Variants in PLPPR4 observed in about 807,000 individuals in gnomAD.
The protein encoded by PLPPR4 is phospholipid phosphatase-related protein type 4.
In PLPPR4, 24 loss-of-function variants were observed where a neutral mutation model predicts 56.6. The ratio of observed to expected loss-of-function variants is 0.42; its 90% CI spans 0.31 to 0.60. The LOEUF (loss-of-function observed/expected upper bound fraction) is 0.60. PLPPR4 is among the 20% of genes least tolerant of loss of function. The pLI is 0.13. For missense variants in PLPPR4, 654 were observed against 885.8 expected (o/e 0.74, Z 3.32); for synonymous variants, 326 against 328.1 (o/e 0.99, Z 0.07).
rs1362127271 is a variant in PLPPR4, at chr1:99,306,210, G to A, written c.1348G>A (p.Gly450Ser). 1 of 1,614,124 alleles carries A rather than the reference G, an allele frequency of 6.2e-7. No individual in the cohort carries two copies. The highest frequency in any genetic ancestry group is 1.1e-5 in the South Asian group (1 of 91,082). The change falls in exon 7 of 7, where the codon GGC (glycine) becomes AGC (serine). Residue 450 changes from glycine to serine, a missense_variant. Transcript: ENST00000370185. The surrounding 1 kb of genome is among the most constrained non-coding windows in gnomAD (Gnocchi z 4.0). ...VGVNGDHHGP[G>S]NQYLKIQPGA... ...GGTGAATGGAGACCACCATGGTCCT[G>A]GCAATCAGTACCTCAAAATCCAGCC... is the stretch of plus-strand genomic sequence containing the variant.
At chr1:99,276,441 A>T (rs922862599) in intron 1 of PLPPR4, among the ~76,000 whole-genome samples, 8 of 152,152 alleles carry the variant, frequency 5.3e-5, no homozygotes, top group Non-Finnish European at 8.8e-5. Flanking sequence ...TAAAATTGAT[A>T]CTTTATTTTA....
intron 1 of PLPPR4, among the ~76,000 whole-genome samples, chr1:99,277,694 C>T (rs1447145698): frequency 6.6e-6 from 1 of 151,852 alleles, no homozygotes; most frequent in Non-Finnish European, 1.5e-5. Context: ...TTTAGCAGAA[C>T]TCATGCTGCT....
upstream of PLPPR4, among the ~76,000 whole-genome samples, chr1:99,262,945 G>A (rs1658797799): frequency 6.6e-6 from 1 of 152,236 alleles, no homozygotes; most frequent in South Asian, 2.1e-4. Context: ...GTCTAGGCAA[G>A]AGATGGCGGT....
chr1:99,276,688 A>C (rs951848962), intron 1 of PLPPR4, among the ~76,000 whole-genome samples: 1 of 152,192 alleles, frequency 6.6e-6, no homozygotes, highest in Non-Finnish European at 1.5e-5. Flanking sequence ...TATCAAGTTC[A>C]AGATAGTTTA....
chr1:99,307,129 A>T lies in PLPPR4; in HGVS notation c.*119A>T. 1 of 1,271,306 alleles carries T rather than the reference A, an allele frequency of 7.9e-7. No homozygotes were observed. The highest frequency in any genetic ancestry group is 1.1e-6 in the Non-Finnish European group (1 of 926,444). The allele number at this position is 1,271,306 out of a possible 1,614,324, so 78.8% of individuals were successfully genotyped here. A position where few individuals can be genotyped will look rare whatever the true frequency, so the allele number is the denominator to read the frequency against. ...CTAGATTGTCTACCATCAGCCCAGA[A>T]CTCTGTAACTTTTCAGAACTGCTAT... On this transcript the variant is annotated 3_prime_UTR_variant, in exon 7 of 7. Coordinates refer to ENST00000370185, the MANE Select transcript of PLPPR4 (RefSeq NM_014839.5).
At chr1:99,264,763 C>G (rs1486078260) in intron 1 of PLPPR4, 92 bp downstream of exon 1, 6 of 1,407,046 alleles carry the variant, frequency 4.3e-6, no homozygotes, top group Non-Finnish European at 5.9e-6. Flanking sequence ...GCGCAGAGAT[C>G]CTGCCGGGCG....
intron 3 of PLPPR4, among the ~76,000 whole-genome samples, chr1:99,298,092 A>G (rs1310406742): frequency 6.6e-6 from 1 of 152,170 alleles, no homozygotes; most frequent in African/African-American, 2.4e-5. Context: ...AGGTGACAGT[A>G]AGCAGTGAAG....
intron 1 of PLPPR4, among the ~76,000 whole-genome samples, chr1:99,270,010 TG>T: frequency 6.7e-6 from 1 of 149,208 alleles, no homozygotes; most frequent in East Asian, 2.0e-4. Context: ...TGTGTGTGTG[TG>T]TGTGTGTGTG....
chr1:99,288,012 C>G lies in PLPPR4; in HGVS notation c.126C>G (p.Leu42=). 6.2e-7 allele frequency: 1 copy of G among 1,613,724 alleles called. No individual in the cohort carries two copies. Among genetic ancestry groups the G allele is most frequent in the South Asian group, 1.1e-5 (1 of 91,024 alleles). ...SSVVSLYFLE[L]TDVFKPVHSG... ...TGGTTAGCCTCTATTTCCTCGAACT[C>G]ACAGATGTCTTCAAACCTGTGCACT... is the stretch of plus-strand genomic sequence containing the variant. The change falls in exon 2 of 7, where the codon CTC becomes CTG. Residue 42 remains leucine (L), a synonymous_variant. Transcript: ENST00000370185.
At chr1:99,283,869 T>C (rs1659398804) in intron 1 of PLPPR4, among the ~76,000 whole-genome samples, 2 of 152,090 alleles carry the variant, frequency 1.3e-5, no homozygotes, top group Admixed American at 1.3e-4. Flanking sequence ...GGAGAATCGC[T>C]TGAACTCGGG....
chr1:99,307,124 C>A lies in PLPPR4; in HGVS notation c.*114C>A. 2 of 1,316,038 alleles carry A rather than the reference C, an allele frequency of 1.5e-6. No individual in the cohort carries two copies. Among genetic ancestry groups the A allele is most frequent in the Non-Finnish European group, 2.1e-6 (2 of 966,140 alleles). 81.5% of individuals were successfully genotyped at this position (1,316,038 alleles called of 1,614,324 possible). On this transcript the variant is annotated 3_prime_UTR_variant, in exon 7 of 7. Transcript: ENST00000370185. ...CCAAGCTAGATTGTCTACCATCAGC[C>A]CAGAACTCTGTAACTTTTCAGAACT...
chr1:99,307,158 C>G lies in PLPPR4; in HGVS notation c.*148C>G. 1.1e-6 allele frequency: 1 copy of G among 912,050 alleles called. No individual in the cohort carries two copies. Among genetic ancestry groups the G allele is most frequent in the South Asian group, 1.7e-5 (1 of 57,516 alleles). 56.5% of individuals were successfully genotyped at this position (912,050 alleles called of 1,614,324 possible). A position where few individuals can be genotyped will look rare whatever the true frequency, so the allele number is the denominator to read the frequency against. ...TGTAACTTTTCAGAACTGCTATACT[C>G]AAACTTGCAGATCTCACATCAAGGA... On this transcript the variant is annotated 3_prime_UTR_variant, in exon 7 of 7. Transcript: ENST00000370185.
Position 99,287,067 on chromosome 1 carries a change from T to C in PLPPR4, c.79-898T>C, listed in dbSNP as rs548630659. On this transcript the variant is annotated intron_variant, in intron 1 of 6. Coordinates refer to ENST00000370185, the MANE Select transcript of PLPPR4 (RefSeq NM_014839.5). The stretch of plus-strand genomic sequence containing the variant: ...CCTCAACCCCCAACATGCCCTGGTG[T>C]GTGTTGTTCCCCTGTCTGTGTCCAC... 3.8e-3 allele frequency among the ~76,000 whole-genome samples: 572 copies of C among 152,262 alleles called. 8 individuals carry two copies. The highest frequency in any genetic ancestry group is 0.013 in the African/African-American group (547 of 41,542).
intron 1 of PLPPR4, among the ~76,000 whole-genome samples, chr1:99,269,180 G>A (rs1191326764): frequency 2.0e-5 from 3 of 152,250 alleles, no homozygotes; most frequent in Middle Eastern, 3.4e-3. Context: ...CTGGTGTTTG[G>A]TTTTCTGTTC....
At chr1:99,298,820 C>T in intron 3 of PLPPR4, 1 of 637,304 alleles carries the variant, frequency 1.6e-6, no homozygotes, top group South Asian at 1.8e-5. Flanking sequence ...AACAAAAGTG[C>T]CTAAAGTTAC....
At chr1:99,281,659 C>T (rs957023698) in intron 1 of PLPPR4, among the ~76,000 whole-genome samples, 8 of 152,128 alleles carry the variant, frequency 5.3e-5, no homozygotes, top group Non-Finnish European at 1.0e-4. Context: ...TCCCTCACCA[C>T]GTGTGTGTTG....
At chr1:99,278,187 T>C (rs1659239507) in intron 1 of PLPPR4, among the ~76,000 whole-genome samples, 1 of 152,118 alleles carries the variant, frequency 6.6e-6, no homozygotes, top group African/African-American at 2.4e-5. Context: ...TGTACAATAA[T>C]CACAAACATG....
At chr1:99,293,816 C>T (rs1366557774) in intron 2 of PLPPR4, among the ~76,000 whole-genome samples, 1 of 152,052 alleles carries the variant, frequency 6.6e-6, no homozygotes, top group Non-Finnish European at 1.5e-5. Context: ...ACTGTGAGTT[C>T]TCCCTATGAT....
intron 3 of PLPPR4, among the ~76,000 whole-genome samples, 174 bp downstream of exon 3, chr1:99,297,041 CT>C (rs1358889490): frequency 2.0e-5 from 3 of 151,988 alleles, no homozygotes. Flanking sequence ...GGTTTTGTAT[CT>C]GAAATGTGTT....
Sources: allele counts gnomAD v4.1 joint callset (sites outside exome capture counted in the v4.1 genomes callset), GRCh38; gene constraint gnomAD v4.1.1; non-coding constraint Gnocchi (gnomAD v3.1); transcripts MANE v1.5; gene names NCBI Gene and HGNC (gene_info 2026-07-23, HGNC 2026-07-21).